Variants in ARHGEF26 observed in about 807,000 individuals in gnomAD.
ARHGEF26 encodes Rho guanine nucleotide exchange factor 26, also known as Rho guanine nucleotide exchange factor (GEF) 26.
ARHGEF26 carries 59 observed loss-of-function variants against 89.4 expected under a neutral mutation model. The ratio of observed to expected loss-of-function variants is 0.66; its 90% CI spans 0.54 to 0.82. The LOEUF is 0.82. Ranked by LOEUF, ARHGEF26 falls within the 40% of genes least tolerant of loss-of-function variation. The probability of loss-of-function intolerance (pLI) is 0.00; values close to 1 mark genes in which losing one functional copy is unlikely to be tolerated. For missense variants in ARHGEF26, 1,234 were observed against 1,085.6 expected (o/e 1.14, Z -1.92); for synonymous variants, 500 against 428.4 (o/e 1.17, Z -2.06).
intron 10 of ARHGEF26, 35 bp downstream of exon 10, chr3:154,217,993 T>C: frequency 1.3e-6 from 2 of 1,519,790 alleles, no homozygotes; most frequent in Non-Finnish European, 1.8e-6. Context: ...TGTTCTTGCC[T>C]ATGTTTTTCT....
intron 12 of ARHGEF26, among the ~76,000 whole-genome samples, chr3:154,251,790 A>G (rs754975652): frequency 4.6e-5 from 7 of 152,248 alleles, no homozygotes; most frequent in Non-Finnish European, 8.8e-5. Flanking sequence ...GCATGGTAAT[A>G]GAAATTCCAT....
chr3:154,121,728 A>G (rs973499798), intron 1 of ARHGEF26, among the ~76,000 whole-genome samples: 8 of 152,062 alleles, frequency 5.3e-5, no homozygotes, highest in African/African-American at 1.9e-4. Context: ...AGGGACGCGG[A>G]GGTGATTGGA....
intron 11 of ARHGEF26, among the ~76,000 whole-genome samples, chr3:154,229,224 G>A (rs1311336068): frequency 6.6e-6 from 1 of 151,818 alleles, no homozygotes; most frequent in South Asian, 2.1e-4. Context: ...TTTTAGAGAC[G>A]GGACCTTGTT....
chr3:154,185,777 C>T (rs1306111415), intron 6 of ARHGEF26, among the ~76,000 whole-genome samples: 1 of 152,158 alleles, frequency 6.6e-6, no homozygotes, highest in Non-Finnish European at 1.5e-5. Flanking sequence ...TGCAATCATG[C>T]CTTGGTCTTT....
intron 10 of ARHGEF26, among the ~76,000 whole-genome samples, chr3:154,225,005 A>G (rs542634724): frequency 6.6e-6 from 1 of 151,788 alleles, no homozygotes; most frequent in African/African-American, 2.4e-5. Flanking sequence ...TGCTTATTTT[A>G]TGGATGTAGT....
At chr3:154,173,859 T>C (rs1224753015) in intron 6 of ARHGEF26, among the ~76,000 whole-genome samples, 2 of 152,156 alleles carry the variant, frequency 1.3e-5, no homozygotes, top group Non-Finnish European at 2.9e-5. Flanking sequence ...AAATAAAACA[T>C]AAATTTGGAG....
At chr3:154,196,718 T>C (rs1416656363) in intron 9 of ARHGEF26, among the ~76,000 whole-genome samples, 1 of 152,122 alleles carries the variant, frequency 6.6e-6, no homozygotes, top group Non-Finnish European at 1.5e-5. Flanking sequence ...CCTAAGGTAC[T>C]ATTGCCAGTG....
At chr3:154,150,586 A>G (rs959042456) in intron 5 of ARHGEF26, among the ~76,000 whole-genome samples, 3 of 152,214 alleles carry the variant, frequency 2.0e-5, no homozygotes, top group Admixed American at 6.5e-5. Flanking sequence ...CAATCATCAT[A>G]TAGTACTCTA....
At chr3:154,174,496 C>G (rs141789939) in intron 6 of ARHGEF26, among the ~76,000 whole-genome samples, 271 of 152,118 alleles carry the variant, frequency 1.8e-3, no homozygotes, top group African/African-American at 5.9e-3. Context: ...GAGAGCCTCT[C>G]TACAAATTCA....
At position 154,123,061 on chromosome 3, in the gene ARHGEF26, C is replaced by T. The variant is rs1352405581; in HGVS notation, c.1069C>T (p.Leu357=). 3.7e-6 allele frequency: 6 copies of T among 1,613,840 alleles called. No homozygotes were observed. Among genetic ancestry groups the T allele is most frequent in the South Asian group, 3.3e-5 (3 of 91,000 alleles). The change falls in exon 2 of 15, where the codon CTG becomes TTG. Residue 357 remains leucine, a synonymous_variant. Transcript: ENST00000465093. ...VMEDKEKFSS[L]GRIKKKMLKG... ...GGAAGACAAGGAGAAGTTTTCCAGT[C>T]TGGGAAGGATAAAGGTAAAAGTGGG...
At chr3:154,132,047 G>C (rs1445036762) in intron 4 of ARHGEF26, among the ~76,000 whole-genome samples, 21 of 152,158 alleles carry the variant, frequency 1.4e-4, no homozygotes. Context: ...CGGGAGGCTT[G>C]TGTGTGTTTA....
chr3:154,245,427 A>G (rs1717746168), intron 12 of ARHGEF26, among the ~76,000 whole-genome samples: 1 of 152,262 alleles, frequency 6.6e-6, no homozygotes, highest in South Asian at 2.1e-4. Context: ...AAAATGCTAA[A>G]TAGATATTGC....
chr3:154,173,918 G>T (rs1489504387), intron 6 of ARHGEF26, among the ~76,000 whole-genome samples: 1 of 36,172 alleles, frequency 2.8e-5, no homozygotes, highest in African/African-American at 9.0e-5. Context: ...GTGAAAATTA[G>T]CATCTTCTCA....
intron 6 of ARHGEF26, among the ~76,000 whole-genome samples, chr3:154,183,135 T>C (rs541297667): frequency 1.4e-4 from 22 of 152,312 alleles, no homozygotes; most frequent in African/African-American, 5.3e-4. Context: ...TACAATCATT[T>C]AAAGCACTCA....
At chr3:154,139,793 C>A (rs1719246174) in intron 4 of ARHGEF26, among the ~76,000 whole-genome samples, 1 of 152,122 alleles carries the variant, frequency 6.6e-6, no homozygotes, top group African/African-American at 2.4e-5. Flanking sequence ...CCTGTTAATT[C>A]TCTAGATTAT....
Position 154,245,432 on chromosome 3 carries a change from TA to T in ARHGEF26, c.2300+4854del, listed in dbSNP as rs369307222. Among the ~76,000 whole-genome samples the T allele has an allele frequency of 1.4e-4, 22 of 152,376 alleles. No homozygotes were observed. The East Asian group carries it at 3.7e-3, about 25-fold the overall frequency. On this transcript the variant is annotated intron_variant, in intron 12 of 14. Transcript: ENST00000465093. The stretch of plus-strand genomic sequence containing the variant: ...ATTTTATGATAAAATGCTAAATAGA[TA>T]TTGCATCCCCAAAATTATTTTCCAT...
intron 2 of ARHGEF26, among the ~76,000 whole-genome samples, chr3:154,123,803 G>A (rs2108033719): frequency 6.6e-6 from 1 of 152,250 alleles, no homozygotes; most frequent in East Asian, 1.9e-4. Context: ...TGTCCCATTA[G>A]CTGCACTTAT....
rs554505057 is a variant in ARHGEF26 at position 154,126,773 on chromosome 3, T to TA, written c.1123+2324_1123+2325insA. On this transcript the variant is annotated intron_variant, in intron 3 of 14. Transcript: ENST00000465093. ...CTTTTGCCACGTTGACTTTCCCTAG[T>TA]TCTTTTAAGATACAGCCATGCATCA... Among the ~76,000 whole-genome samples the TA allele has an allele frequency of 7.5e-3, 1,140 of 152,234 alleles. 18 individuals are homozygous for TA. The highest frequency in any genetic ancestry group is 0.026 in the African/African-American group (1,068 of 41,484).
Position 154,123,070 on chromosome 3 carries a change from A to T in ARHGEF26, c.1078A>T (p.Ile360Leu), listed in dbSNP as rs574123818. The T allele has an allele frequency of 2.5e-6, 4 of 1,613,804 alleles. No homozygotes were observed. The East Asian group carries it at 6.7e-5, about 27-fold the overall frequency. The change falls in exon 2 of 15, where the codon ATA becomes TTA. Residue 360 changes from isoleucine (I) to leucine (L), a missense_variant. Ile to Leu is a conservative substitution (Grantham distance 5). Coordinates refer to ENST00000465093, the MANE Select transcript of ARHGEF26 (RefSeq NM_015595.4). ...GGAGAAGTTTTCCAGTCTGGGAAGG[A>T]TAAAGGTAAAAGTGGGCAGGAGTGT... ...DKEKFSSLGRIKKKMLKGQGT... is the reference protein window; with the variant it reads ...DKEKFSSLGRLKKKMLKGQGT...
Sources: gnomAD v4.1 joint callset for allele counts (sites outside exome capture counted in the v4.1 genomes callset) on GRCh38, gnomAD v4.1.1 for gene constraint, MANE v1.5 for transcripts, NCBI Gene and HGNC (gene_info 2026-07-23, HGNC 2026-07-21) for gene names.